Variants in SOX17 observed in about 807,000 individuals in gnomAD.
SOX17 encodes SRY-box transcription factor 17.
Under a neutral mutation model 16.0 loss-of-function variants are expected in SOX17, and 4 were observed. The observed-to-expected ratio is 0.25, with a 90% CI of 0.12 to 0.57. The LOEUF is 0.57. SOX17 is among the 20% of genes least tolerant of loss of function. The pLI, the probability that SOX17 is intolerant of heterozygous loss-of-function variation, is 0.92. For missense variants in SOX17, 633 were observed against 609.7 expected (o/e 1.04, Z -0.40); for synonymous variants, 357 against 284.6 (o/e 1.25, Z -2.56).
Position 54,458,464 on chromosome 8 carries a change from C to T in SOX17, c.307+19C>T, listed in dbSNP as rs1017188308. The T allele has an allele frequency of 4.3e-6, 7 of 1,612,304 alleles. No individual in the cohort carries two copies. The highest frequency in any genetic ancestry group is 4.0e-5 in the African/African-American group (3 of 75,062). ...ATGCTGGGTGAGTCCGAGTCGCAGA[C>T]CCAGGCGGCCGGGCGCGCTGGCGCG... On this transcript the variant is annotated intron_variant, in intron 1 of 1. Transcript: ENST00000297316.
In SOX17 at chr8:54,458,093, C is replaced by T. The variant is rs775192102; in HGVS notation, c.-46C>T. ...CCCTCCCCCGGGTCGGGGGAGGCGG[C>T]GCGTCCGGCGGAGGGTTGAGGGGAG... On this transcript the variant is annotated 5_prime_UTR_variant, in exon 1 of 2. Coordinates refer to ENST00000297316, the MANE Select transcript of SOX17 (RefSeq NM_022454.4). 133 of 1,433,956 alleles carry T rather than the reference C, an allele frequency of 9.3e-5. No individual in the cohort carries two copies. Among genetic ancestry groups the T allele is most frequent in the Non-Finnish European group, 1.2e-4 (132 of 1,101,462 alleles). The allele number at this position is 1,433,956 out of a possible 1,614,324, so 88.8% of individuals were successfully genotyped here.
In SOX17 at chr8:54,457,959, G is replaced by A; in HGVS notation, c.-180G>A. ...CGCAGTGTCACTAGGCCGGCTGGGG[G>A]CCCTGGGTACGCTGTAGACCAGACC... is the stretch of plus-strand genomic sequence containing the variant. On this transcript the variant is annotated 5_prime_UTR_variant, in exon 1 of 2. Transcript: ENST00000297316. The A allele has an allele frequency of 2.8e-6, 2 of 706,566 alleles. No individual in the cohort carries two copies. Among genetic ancestry groups the A allele is most frequent in the Non-Finnish European group, 4.3e-6 (2 of 469,400 alleles). The allele number at this position is 706,566 out of a possible 1,614,324, so 43.8% of individuals were successfully genotyped here. A position where few individuals can be genotyped will look rare whatever the true frequency, so the allele number is the denominator to read the frequency against.
rs540621381 is a variant in SOX17 at position 54,460,669 on chromosome 8, A to C, written c.*674A>C. ...TCACTTTAAGTAGAAGGGGATGTCC[A>C]AGTAATTTTGGTTTTCTAACTGTTG... On this transcript the variant is annotated 3_prime_UTR_variant, in exon 2 of 2. Transcript: ENST00000297316. 8 of 230,238 alleles carry C rather than the reference A, an allele frequency of 3.5e-5. No individual in the cohort carries two copies. Among genetic ancestry groups the C allele is most frequent in the African/African-American group, 1.5e-4 (7 of 45,304 alleles). 14.3% of individuals were successfully genotyped at this position (230,238 alleles called of 1,614,324 possible).
rs1049722865 is a variant in SOX17 at position 54,457,973 on chromosome 8, G to A, written c.-166G>A. On this transcript the variant is annotated 5_prime_UTR_variant, in exon 1 of 2. Transcript: ENST00000297316. ...GCCGGCTGGGGGCCCTGGGTACGCT[G>A]TAGACCAGACCGCGACAGGCCAGAA... 1 of 854,570 alleles carries A rather than the reference G, an allele frequency of 1.2e-6. No individual in the cohort carries two copies. Among genetic ancestry groups the A allele is most frequent in the Non-Finnish European group, 1.7e-6 (1 of 591,376 alleles). 52.9% of individuals were successfully genotyped at this position (854,570 alleles called of 1,614,324 possible). A position where few individuals can be genotyped will look rare whatever the true frequency, so the allele number is the denominator to read the frequency against.
chr8:54,458,965 G>C, intron 1 of SOX17, 93 bp from the exon 2 acceptor site: 1 of 1,167,212 alleles, frequency 8.6e-7, no homozygotes. Flanking sequence ...AGTCTGAGGG[G>C]GGAGGTGCGT....
chr8:54,458,659 C>T (rs1804677076), intron 1 of SOX17, among the ~76,000 whole-genome samples: 1 of 152,108 alleles, frequency 6.6e-6, no homozygotes. Flanking sequence ...CTCCCGGATT[C>T]CCCAGGTGGC....
chr8:54,458,923 C>T (rs1464352594), intron 1 of SOX17, 135 bp from the exon 2 acceptor site: 2 of 759,526 alleles, frequency 2.6e-6, no homozygotes, highest in Admixed American at 3.2e-5. Flanking sequence ...CCAGATCTCC[C>T]TCTTTAACTT....
intron 1 of SOX17, 133 bp downstream of exon 1, chr8:54,458,578 T>G: frequency 8.9e-7 from 1 of 1,124,290 alleles, no homozygotes. Flanking sequence ...CGTCCTTTCT[T>G]AAGGCTCTGG....
Position 54,459,335 on chromosome 8 carries a change from G to A in SOX17, c.585G>A (p.Leu195=). 6.5e-7 allele frequency: 1 copy of A among 1,545,710 alleles called. No homozygotes were observed. The highest frequency in any genetic ancestry group is 8.6e-7 in the Non-Finnish European group (1 of 1,156,812). ...EQGFPAGPPL[L]PPHMGGHYRD... ...GCTTCCCCGCCGGCCCGCCGCTGCT[G>A]CCTCCGCACATGGGCGGCCACTACC... The change falls in exon 2 of 2, where the codon CTG becomes CTA. Residue 195 remains leucine (L), a synonymous_variant. Transcript: ENST00000297316.
intron 1 of SOX17, 60 bp from the exon 2 acceptor site, chr8:54,458,998 T>C (rs1245554637): frequency 1.4e-6 from 2 of 1,456,518 alleles, no homozygotes; most frequent in Admixed American, 2.3e-5. Context: ...AGGTGGGGCC[T>C]GGAGCGGGAG....
chr8:54,458,907 G>A, intron 1 of SOX17, 151 bp from the exon 2 acceptor site: 2 of 676,644 alleles, frequency 3.0e-6, no homozygotes, highest in Non-Finnish European at 4.7e-6. Context: ...CTCGGACTCA[G>A]GAGTCCCAGA....
intron 1 of SOX17, among the ~76,000 whole-genome samples, 200 bp from the exon 2 acceptor site, chr8:54,458,858 A>C (rs1358001915): frequency 1.3e-5 from 2 of 152,180 alleles, no homozygotes; most frequent in African/African-American, 2.4e-5. Flanking sequence ...GGAGACCAAA[A>C]GAAAGGGGTG....
chr8:54,458,562 C>T (rs985554398), intron 1 of SOX17, 117 bp downstream of exon 1: 2 of 1,245,902 alleles, frequency 1.6e-6, no homozygotes, highest in Non-Finnish European at 2.3e-6. Flanking sequence ...GGGTGTGTAG[C>T]GGCCACGTCC....
rs1320885330 is a variant in SOX17, at chr8:54,459,907, T to A, written c.1157T>A (p.Val386Glu). ...CCCTACCAGGGGCATGACTCCGGTGTGAATCTCCCCGACAGCCACGGGGCC... is the reference window on the plus strand; with the variant it reads ...CCCTACCAGGGGCATGACTCCGGTGAGAATCTCCCCGACAGCCACGGGGCC... Reference protein sequence around the residue: ...GLPYQGHDSGVNLPDSHGAIS... With the variant: ...GLPYQGHDSGENLPDSHGAIS... The change falls in exon 2 of 2, where the codon GTG (valine) becomes GAG (glutamate). Residue 386 changes from valine to glutamate, a missense_variant. By Grantham distance (121) the Val-to-Glu change is moderately radical (BLOSUM62 -2). This residue lies in a region of SOX17 where 479 missense variants were observed against 397.2 expected (regional missense o/e 1.21). Transcript: ENST00000297316. 1.2e-6 allele frequency: 2 copies of A among 1,613,740 alleles called. No individual in the cohort carries two copies. Among genetic ancestry groups the A allele is most frequent in the Non-Finnish European group, 1.7e-6 (2 of 1,180,042 alleles).
rs1246411831 is a variant in SOX17, at chr8:54,459,797, T to C, written c.1047T>C (p.Ser349=). 19 of 1,608,668 alleles carry C rather than the reference T, an allele frequency of 1.2e-5. No homozygotes were observed. The highest frequency in any genetic ancestry group is 1.6e-5 in the Non-Finnish European group (19 of 1,178,206). The stretch of plus-strand genomic sequence containing the variant: ...CCTGCCGGGACGGCACGGACCCCAG[T>C]CAGCCCGCCGAGCTCCTCGGGGAGG... ...ALPCRDGTDP[S]QPAELLGEVD... The change falls in exon 2 of 2, where the codon AGT becomes AGC. Residue 349 remains serine, a synonymous_variant. Coordinates refer to ENST00000297316, the MANE Select transcript of SOX17 (RefSeq NM_022454.4).
Position 54,459,829 on chromosome 8 carries a change from G to A in SOX17, c.1079G>A (p.Arg360His), listed in dbSNP as rs1274955948. ...GCCGAGCTCCTCGGGGAGGTGGACC[G>A]CACGGAATTTGAACAGTATCTGCAC... ...QPAELLGEVD[R>H]TEFEQYLHFV... Residue 360 changes from arginine (R) to histidine (H), a missense_variant, in exon 2 of 2, where the codon CGC becomes CAC. Physicochemically the swap from Arg to His is conservative, Grantham distance 29 (BLOSUM62 0). Transcript: ENST00000297316. The A allele has an allele frequency of 1.9e-6, 3 of 1,613,096 alleles. No homozygotes were observed. The Admixed American group carries it at 5.0e-5, about 27-fold the overall frequency.
At position 54,459,757 on chromosome 8, in the gene SOX17, C is replaced by A. The variant is rs1296138315; in HGVS notation, c.1007C>A (p.Pro336His). Residue 336 changes from proline (P) to histidine (H), a missense_variant, in exon 2 of 2, where the codon CCT becomes CAT. Physicochemically the swap from Pro to His is moderately conservative, Grantham distance 77. This residue lies in a region of SOX17 where 479 missense variants were observed against 397.2 expected (regional missense o/e 1.21). Coordinates refer to ENST00000297316, the MANE Select transcript of SOX17 (RefSeq NM_022454.4). ...CCGGGCCCCGGACAGCCGTCGCCCC[C>A]TCCGGAGGCACTGCCCTGCCGGGAC... The part of the protein sequence containing the change: ...HPPGPGQPSP[P>H]PEALPCRDGT... 5 of 1,582,180 alleles carry A rather than the reference C, an allele frequency of 3.2e-6. No homozygotes were observed. The highest frequency in any genetic ancestry group is 4.3e-6 in the Non-Finnish European group (5 of 1,166,092).
rs1033105394 is a variant in SOX17, at chr8:54,457,974, T to C, written c.-165T>C. 3.0e-5 allele frequency: 26 copies of C among 855,752 alleles called. 1 individual carries two copies. In the Admixed American group the frequency reaches 4.1e-4, roughly 13 times the overall value. 53.0% of individuals were successfully genotyped at this position (855,752 alleles called of 1,614,324 possible). ...CCGGCTGGGGGCCCTGGGTACGCTGTAGACCAGACCGCGACAGGCCAGAAC... is the reference window on the plus strand; with the variant it reads ...CCGGCTGGGGGCCCTGGGTACGCTGCAGACCAGACCGCGACAGGCCAGAAC... On this transcript the variant is annotated 5_prime_UTR_variant, in exon 1 of 2. Transcript: ENST00000297316.
intron 1 of SOX17, 147 bp downstream of exon 1, chr8:54,458,592 C>G (rs1213189793): frequency 6.1e-5 from 61 of 995,794 alleles, no homozygotes; most frequent in South Asian, 5.2e-4. Context: ...GCTCTGGGTT[C>G]CCTTCCCGCT....
Sources: gnomAD v4.1 joint callset for allele counts (sites outside exome capture counted in the v4.1 genomes callset) on GRCh38, gnomAD v4.1.1 for gene constraint, gnomAD v4.1.1 regional missense constraint, MANE v1.5 for transcripts, NCBI Gene and HGNC (gene_info 2026-07-23, HGNC 2026-07-21) for gene names.